MKLN1: variants seen among roughly 807,000 people sequenced by gnomAD.
MKLN1 encodes the protein muskelin.
In MKLN1, 18 loss-of-function variants were observed where a neutral mutation model predicts 99.0. That is an observed-to-expected ratio of 0.18 (90% CI 0.13 to 0.27). The LOEUF is 0.27. Ranked by LOEUF, MKLN1 falls within the 10% of genes least tolerant of loss-of-function variation. The pLI, the probability that MKLN1 is intolerant of heterozygous loss-of-function variation, is 1.00. For missense variants in MKLN1, 621 were observed against 875.9 expected (o/e 0.71, Z 3.67); for synonymous variants, 288 against 293.2 (o/e 0.98, Z 0.18).
chr7:131,484,706 G>C (rs936932221), intron 17 of MKLN1, among the ~76,000 whole-genome samples: 2 of 152,128 alleles, frequency 1.3e-5, no homozygotes, highest in Non-Finnish European at 2.9e-5. Context: ...AGCCATTTTA[G>C]TACAGTGCTT....
At chr7:131,474,434 G>T (rs769753382) in intron 16 of MKLN1, among the ~76,000 whole-genome samples, 2 of 152,138 alleles carry the variant, frequency 1.3e-5, no homozygotes, top group Non-Finnish European at 2.9e-5. Context: ...AGATGTTGAG[G>T]TGACTGTTGG....
At chr7:131,309,284 G>A (rs928754237) in intron 3 of MKLN1, among the ~76,000 whole-genome samples, 11 of 152,232 alleles carry the variant, frequency 7.2e-5, no homozygotes, top group Admixed American at 4.6e-4. Flanking sequence ...CTAAAAGGAA[G>A]AAGCTGAGGC....
chr7:131,394,052 A>G (rs1420818193), intron 4 of MKLN1, among the ~76,000 whole-genome samples: 1 of 150,812 alleles, frequency 6.6e-6, no homozygotes, highest in Non-Finnish European at 1.5e-5. Context: ...CTCTTATACT[A>G]CTAGATGGTT....
At chr7:131,444,819 GTA>G (rs1491296226) in intron 11 of MKLN1, among the ~76,000 whole-genome samples, 10 of 149,576 alleles carry the variant, frequency 6.7e-5, no homozygotes, top group East Asian at 2.0e-4. Context: ...AGTAGTAGTA[GTA>G]GAAGTGGAAG....
chr7:131,260,805 G>C (rs981854791), intron 3 of MKLN1, among the ~76,000 whole-genome samples: 2 of 152,100 alleles, frequency 1.3e-5, no homozygotes, highest in Non-Finnish European at 2.9e-5. Context: ...CAGACACATA[G>C]ACCAATGGAA....
intron 17 of MKLN1, chr7:131,479,098 C>T (rs1181500591): frequency 6.2e-6 from 1 of 160,542 alleles, no homozygotes; most frequent in Non-Finnish European, 1.4e-5. Context: ...GTTTTGGGAG[C>T]ACAGAAGATA....
intron 8 of MKLN1, among the ~76,000 whole-genome samples, chr7:131,421,797 A>G (rs1244604375): frequency 6.6e-6 from 1 of 152,230 alleles, no homozygotes; most frequent in Non-Finnish European, 1.5e-5. Flanking sequence ...GTTTAAAACA[A>G]CTTGAAAAGC....
intron 2 of MKLN1, among the ~76,000 whole-genome samples, chr7:131,191,777 A>G (rs954521591): frequency 1.4e-5 from 2 of 147,896 alleles, no homozygotes; most frequent in African/African-American, 2.5e-5. Flanking sequence ...GCAGTGGTGC[A>G]ATCTCGGCTC....
intron 2 of MKLN1, among the ~76,000 whole-genome samples, chr7:131,176,005 CCCTGGTTTGTGA>C (rs1239061498): frequency 1.3e-5 from 2 of 152,086 alleles, no homozygotes; most frequent in East Asian, 3.8e-4. Flanking sequence ...ATTATTTTAT[CCCTGGTTTGTGA>C]CCTAAAATGA....
chr7:131,345,834 G>A (rs1185041783), intron 1 of MKLN1, among the ~76,000 whole-genome samples: 3 of 152,092 alleles, frequency 2.0e-5, no homozygotes, highest in Non-Finnish European at 4.4e-5. Flanking sequence ...TTTGAGAATC[G>A]TATCTAATAC....
At chr7:131,224,899 C>T (rs1222735889) in intron 3 of MKLN1, among the ~76,000 whole-genome samples, 5 of 150,924 alleles carry the variant, frequency 3.3e-5, no homozygotes, top group Admixed American at 6.6e-5. Flanking sequence ...TGGTGAAACC[C>T]CGTCTCTACT....
chr7:131,419,246 A>ATTTTTT (rs1054663966), intron 8 of MKLN1, among the ~76,000 whole-genome samples: 2 of 107,298 alleles, frequency 1.9e-5, no homozygotes, highest in Non-Finnish European at 4.0e-5. Context: ...ATATATATAT[A>ATTTTTT]TTTTTGTTTT....
chr7:131,482,468 A>G (rs539000660), intron 17 of MKLN1, among the ~76,000 whole-genome samples: 1 of 152,204 alleles, frequency 6.6e-6, no homozygotes, highest in Middle Eastern at 3.2e-3. Context: ...TACAGTCCAA[A>G]TATAAAGTTT....
At chr7:131,342,445 T>TGGG (rs1799436351) in intron 1 of MKLN1, among the ~76,000 whole-genome samples, 1 of 152,244 alleles carries the variant, frequency 6.6e-6, no homozygotes, top group African/African-American at 2.4e-5. Context: ...CAGTTTGTGC[T>TGGG]GGGGACAATA....
intron 1 of MKLN1, among the ~76,000 whole-genome samples, chr7:131,346,999 C>T (rs964954275): frequency 3.3e-5 from 5 of 152,214 alleles, no homozygotes; most frequent in Non-Finnish European, 5.9e-5. Flanking sequence ...GGACACATGG[C>T]TTAATGAGCA....
At chr7:131,181,155 G>T (rs1306418985) in intron 2 of MKLN1, among the ~76,000 whole-genome samples, 1 of 152,166 alleles carries the variant, frequency 6.6e-6, no homozygotes, top group African/African-American at 2.4e-5. Context: ...GGAAGATAAT[G>T]ATAATAATTA....
At chr7:131,305,644 C>A (rs1798453360) in intron 3 of MKLN1, among the ~76,000 whole-genome samples, 1 of 152,022 alleles carries the variant, frequency 6.6e-6, no homozygotes, top group Non-Finnish European at 1.5e-5. Flanking sequence ...TAAAAATTAC[C>A]CTGGTTTAGT....
chr7:131,112,489 C>G (rs1795215990), intron 1 of MKLN1, among the ~76,000 whole-genome samples: 1 of 152,206 alleles, frequency 6.6e-6, no homozygotes, highest in Non-Finnish European at 1.5e-5. Context: ...TACTTAGTCT[C>G]TCCCTGCCTC....
At chr7:131,434,268 C>G (rs1795613173) in intron 9 of MKLN1, among the ~76,000 whole-genome samples, 1 of 152,156 alleles carries the variant, frequency 6.6e-6, no homozygotes, top group South Asian at 2.1e-4. Context: ...TTCATTATCT[C>G]TCAGCACTCT....
Sources: gnomAD v4.1 joint callset for allele counts (sites outside exome capture counted in the v4.1 genomes callset) on GRCh38, gnomAD v4.1.1 for gene constraint, MANE v1.5 for transcripts, NCBI Gene and HGNC (gene_info 2026-07-23, HGNC 2026-07-21) for gene names.